Variants in DRC2 observed in about 807,000 individuals in gnomAD.
The protein encoded by DRC2 is dynein regulatory complex subunit 2.
chr12:48,921,264 C>G, the DRC2 span: 1 of 1,614,194 alleles, frequency 6.2e-7, no homozygotes, highest in Non-Finnish European at 8.5e-7. Context: ...AGCCCAGCTG[C>G]TAGATATCAA....
At chr12:48,905,227 C>A in the DRC2 span, 1 of 942,202 alleles carries the variant, frequency 1.1e-6, no homozygotes, top group South Asian at 2.0e-5. Flanking sequence ...GAAAGCCAGG[C>A]TATTGGTAAT....
At chr12:48,904,261 A>T in the DRC2 span, 1 of 1,527,034 alleles carries the variant, frequency 6.5e-7, no homozygotes, top group Non-Finnish European at 8.8e-7. Flanking sequence ...CTTTCTAGGG[A>T]CATTTTTCTT....
At chr12:48,907,076 G>A in the DRC2 span, among the ~76,000 whole-genome samples, 4 of 151,868 alleles carry the variant, frequency 2.6e-5, no homozygotes, top group Non-Finnish European at 5.9e-5. Flanking sequence ...TTAGCCAGGC[G>A]TGGTGGCGGG....
chr12:48,905,160 T>C, the DRC2 span: 1 of 1,490,894 alleles, frequency 6.7e-7, no homozygotes, highest in Non-Finnish European at 9.1e-7. Context: ...TCCTGACCTC[T>C]TAATAGAATG....
chr12:48,914,476 G>A, the DRC2 span: 1 of 1,614,184 alleles, frequency 6.2e-7, no homozygotes, highest in African/African-American at 1.3e-5. Flanking sequence ...GCACAATGTT[G>A]ACCAGCTCTT....
chr12:48,917,288 T>C, the DRC2 span, among the ~76,000 whole-genome samples: 7 of 82,704 alleles, frequency 8.5e-5, no homozygotes, highest in African/African-American at 3.4e-4. Context: ...CCCCCATCTC[T>C]ACCGGCCCCC....
chr12:48,918,397 T>A, the DRC2 span: 34 of 1,614,062 alleles, frequency 2.1e-5, no homozygotes, highest in Non-Finnish European at 2.8e-5. Context: ...AGGCTGCCTT[T>A]GAGACCCTGC....
chr12:48,908,456 T>C, the DRC2 span, among the ~76,000 whole-genome samples: 2 of 152,038 alleles, frequency 1.3e-5, no homozygotes, highest in Non-Finnish European at 2.9e-5. Context: ...CCTTTTCCAC[T>C]GTCCTCCTGT....
At chr12:48,919,520 A>AT in the DRC2 span, among the ~76,000 whole-genome samples, 284 of 131,356 alleles carry the variant, frequency 2.2e-3, no homozygotes, top group South Asian at 5.1e-3. Flanking sequence ...TTAATTAATT[A>AT]TTTTTTTTTT....
the DRC2 span, chr12:48,914,639 G>GTTT: frequency 6.6e-7 from 1 of 1,507,180 alleles, no homozygotes; most frequent in Admixed American, 2.0e-5. Flanking sequence ...GTGTCAAGGA[G>GTTT]TTGCCTGTAA....
At chr12:48,904,159 A>G in the DRC2 span, 1 of 747,686 alleles carries the variant, frequency 1.3e-6, no homozygotes, top group Admixed American at 2.5e-5. Flanking sequence ...GGGAGAGCTC[A>G]GCCTCACTGA....
the DRC2 span, chr12:48,920,812 T>C: frequency 2.4e-6 from 2 of 818,874 alleles, no homozygotes; most frequent in Non-Finnish European, 3.8e-6. Context: ...TATGTATTTA[T>C]TGCTATTGTT....
At chr12:48,913,927 T>TTC in the DRC2 span, among the ~76,000 whole-genome samples, 2 of 133,380 alleles carry the variant, frequency 1.5e-5, no homozygotes, top group Non-Finnish European at 3.2e-5. Flanking sequence ...TGCCCAGTCT[T>TTC]TTTTTTTTTT....
At chr12:48,913,079 G>A in the DRC2 span, among the ~76,000 whole-genome samples, 1 of 137,874 alleles carries the variant, frequency 7.3e-6, no homozygotes, top group South Asian at 2.4e-4. Context: ...AGGTTGCAGT[G>A]AGCCAAGATC....
the DRC2 span, among the ~76,000 whole-genome samples, chr12:48,915,569 C>T: frequency 1.3e-5 from 2 of 152,044 alleles, no homozygotes; most frequent in East Asian, 1.9e-4. Flanking sequence ...CCTTTCCCCC[C>T]TTTCTATTCC....
At chr12:48,919,059 CATTAA>C in the DRC2 span, among the ~76,000 whole-genome samples, 3 of 152,112 alleles carry the variant, frequency 2.0e-5, no homozygotes, top group East Asian at 1.9e-4. Context: ...TCCCCTCTTA[CATTAA>C]ATTAAATTAA....
At chr12:48,914,666 T>A in the DRC2 span, 31 of 1,169,852 alleles carry the variant, frequency 2.6e-5, no homozygotes, top group Non-Finnish European at 3.5e-5. Context: ...GGCTAGTATC[T>A]TGGAGCATCC....
the DRC2 span, among the ~76,000 whole-genome samples, chr12:48,915,098 A>G: frequency 7.1e-6 from 1 of 140,918 alleles, no homozygotes; most frequent in South Asian, 2.3e-4. Context: ...CCTTTTACCA[A>G]CTACCCACTT....
chr12:48,918,150 T>C, the DRC2 span: 2 of 866,910 alleles, frequency 2.3e-6, no homozygotes, highest in South Asian at 3.4e-5. Context: ...GTGTAGGCAT[T>C]TTCATGGGAG....
Sources: gnomAD v4.1 joint callset for allele counts (sites outside exome capture counted in the v4.1 genomes callset) on GRCh38, gnomAD v4.1.1 for gene constraint, MANE v1.5 for transcripts, NCBI Gene and HGNC (gene_info 2026-07-23, HGNC 2026-07-21) for gene names.